ZNF773: variants seen among roughly 807,000 people sequenced by gnomAD.
ZNF773 encodes zinc finger protein 419B.
Under a neutral mutation model 12.8 loss-of-function variants are expected in ZNF773, and 11 were observed. The observed-to-expected ratio is 0.86, with a 90% CI of 0.54 to 1.42. The LOEUF is 1.42. ZNF773 is among the 40% of genes most tolerant of loss of function. The probability of loss-of-function intolerance (pLI) is 0.00; values close to 1 mark genes in which losing one functional copy is unlikely to be tolerated. For synonymous variants in ZNF773, 175 were observed against 178.4 expected (o/e 0.98, Z 0.15); for missense variants, 518 against 527.2 (o/e 0.98, Z 0.17).
chr19:57,499,940 TC>T lies in ZNF773; in HGVS notation c.-140del, dbSNP rs1600145837. On this transcript the variant is annotated 5_prime_UTR_variant, in exon 1 of 4. Coordinates refer to ENST00000282292, the MANE Select transcript of ZNF773 (RefSeq NM_198542.3). ...ACTCAGCTTGCCGGAAGCTGGTTGT[TC>T]GCTGCGGCGACCAGCTCCGGAAAGC... 1.0e-5 allele frequency: 12 copies of T among 1,177,896 alleles called. No individual in the cohort carries two copies. Among genetic ancestry groups the T allele is most frequent in the South Asian group, 1.6e-5 (1 of 62,630 alleles). 73.0% of individuals were successfully genotyped at this position (1,177,896 alleles called of 1,614,324 possible). A position where few individuals can be genotyped will look rare whatever the true frequency, so the allele number is the denominator to read the frequency against.
At chr19:57,509,608 AC>A (rs1236108616), downstream of ZNF773, among the ~76,000 whole-genome samples, 1 of 152,244 alleles carries the variant, frequency 6.6e-6, no homozygotes, top group East Asian at 1.9e-4. Flanking sequence ...CTGACAAATC[AC>A]CACAAACTTA....
At chr19:57,516,455 G>A (rs1489002599), downstream of ZNF773, 1 of 152,292 alleles carries the variant, frequency 6.6e-6, no homozygotes, top group Non-Finnish European at 1.5e-5. Context: ...CAGGGAGCAT[G>A]GACACCAGGA....
At position 57,507,601 on chromosome 19, in the gene ZNF773, A is replaced by C. The variant is rs2089756091; in HGVS notation, c.*177A>C. ...GAATATGGTAAAAGGCCTCAGCCAA[A>C]GGCCTAACCGTATTCAACACCAGAA... On this transcript the variant is annotated 3_prime_UTR_variant, in exon 4 of 4. Coordinates refer to ENST00000282292, the MANE Select transcript of ZNF773 (RefSeq NM_198542.3). 1 of 1,417,176 alleles carries C rather than the reference A, an allele frequency of 7.1e-7. No individual in the cohort carries two copies. Among genetic ancestry groups the C allele is most frequent in the South Asian group, 1.7e-5 (1 of 60,178 alleles). 87.8% of individuals were successfully genotyped at this position (1,417,176 alleles called of 1,614,324 possible).
intron 1 of ZNF773, among the ~76,000 whole-genome samples, chr19:57,501,774 G>A (rs1478729415): frequency 2.0e-5 from 3 of 152,134 alleles, no homozygotes; most frequent in African/African-American, 7.2e-5. Context: ...CCATGAGAAG[G>A]TAAGTGGAGG....
At chr19:57,511,102 T>C (rs1474143145), downstream of ZNF773, among the ~76,000 whole-genome samples, 3 of 151,760 alleles carry the variant, frequency 2.0e-5, no homozygotes, top group Admixed American at 2.0e-4. Context: ...CAGGCTAGCG[T>C]GCAGTGGCAT....
downstream of ZNF773, chr19:57,517,582 A>G (rs2089839439): frequency 6.6e-6 from 1 of 152,050 alleles, no homozygotes. Flanking sequence ...ACACCAAGAT[A>G]CAAACAGAAG....
At chr19:57,509,895 A>G (rs2089781730), downstream of ZNF773, among the ~76,000 whole-genome samples, 2 of 152,232 alleles carry the variant, frequency 1.3e-5, no homozygotes, top group South Asian at 4.1e-4. Flanking sequence ...AATACCAATT[A>G]TATACAAACT....
chr19:57,516,714 T>C (rs187996249), downstream of ZNF773: 2 of 152,342 alleles, frequency 1.3e-5, no homozygotes, highest in Non-Finnish European at 2.9e-5. Context: ...TTGTATTGAT[T>C]GTACAGAATG....
At chr19:57,502,024 C>T (rs1482587842) in intron 1 of ZNF773, among the ~76,000 whole-genome samples, 6 of 152,098 alleles carry the variant, frequency 3.9e-5, no homozygotes, top group Non-Finnish European at 8.8e-5. Flanking sequence ...CTCACCGCAA[C>T]CTCCACCTCC....
At chr19:57,510,670 C>G (rs2089787504), downstream of ZNF773, among the ~76,000 whole-genome samples, 1 of 151,856 alleles carries the variant, frequency 6.6e-6, no homozygotes, top group Non-Finnish European at 1.5e-5. Flanking sequence ...CCAGTGTATA[C>G]AAAGTATATA....
downstream of ZNF773, among the ~76,000 whole-genome samples, chr19:57,509,637 ATATAT>A (rs2089780117): frequency 1.3e-5 from 2 of 152,346 alleles, no homozygotes; most frequent in Admixed American, 1.3e-4. Flanking sequence ...AACAACACAA[ATATAT>A]TATCTTACAG....
chr19:57,514,429 A>G (rs1470469897), downstream of ZNF773: 2 of 152,068 alleles, frequency 1.3e-5, no homozygotes, highest in Non-Finnish European at 2.9e-5. Flanking sequence ...TCTTCATTAG[A>G]CTCTCCTCGG....
intron 1 of ZNF773, among the ~76,000 whole-genome samples, chr19:57,502,094 C>T (rs1268344311): frequency 1.3e-5 from 2 of 152,150 alleles, no homozygotes; most frequent in African/African-American, 4.8e-5. Flanking sequence ...AGGCACGTGC[C>T]GTCACGCCCG....
downstream of ZNF773, chr19:57,513,276 G>C (rs1180790053): frequency 4.8e-6 from 2 of 420,242 alleles, no homozygotes; most frequent in Admixed American, 9.3e-5. Flanking sequence ...ACAATCTGGT[G>C]CTCAGGTTAG....
downstream of ZNF773, among the ~76,000 whole-genome samples, chr19:57,511,677 C>T (rs1319029308): frequency 6.6e-6 from 1 of 152,010 alleles, no homozygotes; most frequent in Non-Finnish European, 1.5e-5. Flanking sequence ...CTTGCATGCT[C>T]AGCAGTTTTA....
downstream of ZNF773, among the ~76,000 whole-genome samples, chr19:57,510,255 A>G (rs1408140780): frequency 6.6e-6 from 1 of 152,222 alleles, no homozygotes; most frequent in African/African-American, 2.4e-5. Flanking sequence ...TCAACAATTC[A>G]AACTCTTTGT....
At chr19:57,503,311 A>G (rs996639116) in intron 1 of ZNF773, among the ~76,000 whole-genome samples, 1 of 152,154 alleles carries the variant, frequency 6.6e-6, no homozygotes, top group East Asian at 1.9e-4. Context: ...GGGAGAATGT[A>G]TAGGGGCCAA....
At position 57,506,749 on chromosome 19, in the gene ZNF773, T is replaced by G; in HGVS notation, c.654T>G (p.Pro218=). 6.2e-7 allele frequency: 1 copy of G among 1,614,222 alleles called. No individual in the cohort carries two copies. The highest frequency in any genetic ancestry group is 8.5e-7 in the Non-Finnish European group (1 of 1,180,028). The change falls in exon 4 of 4, where the codon CCT becomes CCG. Residue 218 remains proline (P), a synonymous_variant. Transcript: ENST00000282292. ...AGAGACTGCACACTGGGGAAAAGCC[T>G]TATGAATGCAGTGAATGTGGGAAGT... The part of the protein sequence containing the change: ...QHQRLHTGEK[P]YECSECGKLF...
chr19:57,501,952 T>C (rs1188870307), intron 1 of ZNF773, among the ~76,000 whole-genome samples: 1 of 152,156 alleles, frequency 6.6e-6, no homozygotes, highest in East Asian at 1.9e-4. Context: ...ATTTATTTAT[T>C]TATTTTTGAG....
Sources: gnomAD v4.1 joint callset for allele counts (sites outside exome capture counted in the v4.1 genomes callset) on GRCh38, gnomAD v4.1.1 for gene constraint, MANE v1.5 for transcripts, NCBI Gene and HGNC (gene_info 2026-07-23, HGNC 2026-07-21) for gene names.